Variants in PDGFC observed in about 807,000 individuals in gnomAD.
PDGFC encodes the protein platelet-derived growth factor C.
A neutral mutation model predicts 35.5 loss-of-function variants in PDGFC; 12 were observed. That is an observed-to-expected ratio of 0.34 (90% confidence interval 0.22 to 0.55). The LOEUF (loss-of-function observed/expected upper bound fraction) is 0.55. PDGFC is among the 20% of genes least tolerant of loss of function. The pLI, the probability that PDGFC is intolerant of heterozygous loss-of-function variation, is 0.91. For synonymous variants in PDGFC, 159 were observed against 148.8 expected, an observed-to-expected ratio of 1.07 and a Z score of -0.50; for missense variants, 322 against 412.4, an observed-to-expected ratio of 0.78 and a Z score of 1.90.
At chr4:156,849,322 A>G (rs1729397384) in intron 2 of PDGFC, among the ~76,000 whole-genome samples, 2 of 152,120 alleles carry the variant, frequency 1.3e-5, no homozygotes, top group Non-Finnish European at 2.9e-5. Flanking sequence ...GTAACTATGT[A>G]AGTGCTAAAG....
At chr4:156,814,759 A>T (rs1021056747) in intron 2 of PDGFC, among the ~76,000 whole-genome samples, 1 of 152,196 alleles carries the variant, frequency 6.6e-6, no homozygotes, top group African/African-American at 2.4e-5. Flanking sequence ...AAAGTATTTT[A>T]AAAAGGGCTT....
At chr4:156,950,309 T>C (rs1290064324) in intron 1 of PDGFC, among the ~76,000 whole-genome samples, 1 of 151,908 alleles carries the variant, frequency 6.6e-6, no homozygotes. Context: ...TGAGACTGTA[T>C]ATGCAGACTT....
Position 156,762,720 on chromosome 4 carries a change from GCA to G in PDGFC, c.*368_*369del, listed in dbSNP as rs1730409687. The stretch of plus-strand genomic sequence containing the variant: ...AGGCAACGGAATCAGGTGCTCACTT[GCA>G]CAGTTTTTTTCCTGTACTGACATTA... On this transcript the variant is annotated 3_prime_UTR_variant, in exon 6 of 6. Transcript: ENST00000502773. The G allele has an allele frequency of 6.2e-6, 1 of 160,990 alleles. No individual in the cohort carries two copies. Among genetic ancestry groups the G allele is most frequent in the East Asian group, 1.7e-4 (1 of 5,754 alleles). The allele number at this position is 160,990 out of a possible 1,614,324, so 10.0% of individuals were successfully genotyped here.
chr4:156,947,997 C>T (rs562230207), intron 1 of PDGFC, among the ~76,000 whole-genome samples: 6 of 151,878 alleles, frequency 4.0e-5, no homozygotes, highest in East Asian at 2.0e-4. Context: ...CAAGTCTCTA[C>T]GGTCTACACA....
At chr4:156,953,615 G>C (rs142915880) in intron 1 of PDGFC, among the ~76,000 whole-genome samples, 2 of 151,662 alleles carry the variant, frequency 1.3e-5, no homozygotes, top group African/African-American at 2.4e-5. Flanking sequence ...AAATTTTACC[G>C]GACGATAAAT....
chr4:156,929,732 G>C (rs1001245237), intron 1 of PDGFC, among the ~76,000 whole-genome samples: 1 of 152,286 alleles, frequency 6.6e-6, no homozygotes, highest in African/African-American at 2.4e-5. Flanking sequence ...AGAGTAGAAT[G>C]GAAAATATTC....
At chr4:156,797,819 A>G (rs1273726249) in intron 3 of PDGFC, among the ~76,000 whole-genome samples, 1 of 152,124 alleles carries the variant, frequency 6.6e-6, no homozygotes, top group African/African-American at 2.4e-5. Flanking sequence ...TCCTTACAAG[A>G]GTAGATTACA....
intron 1 of PDGFC, among the ~76,000 whole-genome samples, chr4:156,932,242 C>T (rs540604482): frequency 6.6e-6 from 1 of 152,134 alleles, no homozygotes; most frequent in Non-Finnish European, 1.5e-5. Context: ...GCATAATATT[C>T]ACTTTATGTA....
intron 1 of PDGFC, among the ~76,000 whole-genome samples, chr4:156,877,811 G>A (rs997214117): frequency 2.4e-4 from 36 of 151,890 alleles, no homozygotes; most frequent in African/African-American, 7.0e-4. Context: ...ACCTCTCCCC[G>A]GCAACCTGCA....
intron 1 of PDGFC, among the ~76,000 whole-genome samples, chr4:156,920,984 T>C (rs1311738228): frequency 6.6e-6 from 1 of 152,040 alleles, no homozygotes; most frequent in Non-Finnish European, 1.5e-5. Flanking sequence ...AGATGAAAAA[T>C]GGATTGTTAA....
chr4:156,926,944 A>C (rs1206546885), intron 1 of PDGFC, among the ~76,000 whole-genome samples: 1 of 151,932 alleles, frequency 6.6e-6, no homozygotes, highest in Non-Finnish European at 1.5e-5. Flanking sequence ...TGACAGCCCC[A>C]CCCCTGCAGC....
intron 1 of PDGFC, among the ~76,000 whole-genome samples, chr4:156,859,540 G>A (rs1729659938): frequency 6.6e-6 from 1 of 151,960 alleles, no homozygotes. Context: ...TAAATAAAGG[G>A]CAATTATCCT....
At chr4:156,875,595 A>C (rs1560852582) in intron 1 of PDGFC, among the ~76,000 whole-genome samples, 4 of 152,196 alleles carry the variant, frequency 2.6e-5, no homozygotes. Context: ...TTTTGTCCCG[A>C]CATATCGGAA....
At chr4:156,937,903 A>G (rs1254144002) in intron 1 of PDGFC, among the ~76,000 whole-genome samples, 1 of 152,180 alleles carries the variant, frequency 6.6e-6, no homozygotes, top group Non-Finnish European at 1.5e-5. Context: ...TTTAGAGAAT[A>G]ATGAAGAAAT....
intron 2 of PDGFC, among the ~76,000 whole-genome samples, chr4:156,845,577 AAAT>A (rs1729307070): frequency 6.6e-6 from 1 of 151,842 alleles, no homozygotes; most frequent in Non-Finnish European, 1.5e-5. Context: ...TATCAAATAA[AAAT>A]AATTATTGTC....
chr4:156,773,960 C>A (rs1730753963), intron 3 of PDGFC, among the ~76,000 whole-genome samples: 1 of 152,162 alleles, frequency 6.6e-6, no homozygotes, highest in South Asian at 2.1e-4. Context: ...CCATCCTGGG[C>A]TCCATACTAA....
chr4:156,827,430 AT>A (rs1446339063), intron 2 of PDGFC, among the ~76,000 whole-genome samples: 5 of 144,256 alleles, frequency 3.5e-5, no homozygotes, highest in Admixed American at 2.0e-4. Flanking sequence ...AAAAAAAAAA[AT>A]AACAGATTGA....
At chr4:156,768,370 A>T (rs1730598330) in intron 4 of PDGFC, among the ~76,000 whole-genome samples, 1 of 152,046 alleles carries the variant, frequency 6.6e-6, no homozygotes, top group Admixed American at 6.6e-5. Context: ...AAAATGCAAG[A>T]TGATGAATGC....
intron 1 of PDGFC, among the ~76,000 whole-genome samples, chr4:156,902,974 A>G (rs1436081235): frequency 6.6e-6 from 1 of 152,182 alleles, no homozygotes. Context: ...ATCGATTGAT[A>G]GAGCCGCTAC....
Sources: allele counts gnomAD v4.1 joint callset (sites outside exome capture counted in the v4.1 genomes callset), GRCh38; gene constraint gnomAD v4.1.1; transcripts MANE v1.5; gene names NCBI Gene and HGNC (gene_info 2026-07-23, HGNC 2026-07-21).